GALNT17: variants seen among roughly 807,000 people sequenced by gnomAD.
GALNT17 encodes the protein UDP-GalNAc:polypeptide N-acetylgalactosaminyltransferase-like 3.
In GALNT17, 29 loss-of-function variants were observed where a neutral mutation model predicts 63.7. The ratio of observed to expected loss-of-function variants is 0.46; its 90% CI spans 0.34 to 0.62. The LOEUF (loss-of-function observed/expected upper bound fraction) is 0.62. Ranked by LOEUF, GALNT17 falls within the 20% of genes least tolerant of loss-of-function variation. GALNT17 has a pLI of 0.01. For missense variants in GALNT17, 603 were observed against 799.6 expected (o/e 0.75, Z 2.97); for synonymous variants, 305 against 318.3 (o/e 0.96, Z 0.45).
intron 3 of GALNT17, among the ~76,000 whole-genome samples, chr7:71,408,020 C>T (rs1793360338): frequency 6.6e-6 from 1 of 151,970 alleles, no homozygotes; most frequent in Admixed American, 6.6e-5. Flanking sequence ...GTACTCAATG[C>T]CAGTGAATTG....
intron 1 of GALNT17, among the ~76,000 whole-genome samples, chr7:71,256,950 G>A (rs1171976587): frequency 6.6e-6 from 1 of 152,120 alleles, no homozygotes; most frequent in East Asian, 1.9e-4. Context: ...GAGCAGGAGA[G>A]GGAAGAGTTT....
At chr7:71,405,694 A>G (rs1009746359) in intron 3 of GALNT17, among the ~76,000 whole-genome samples, 1 of 152,040 alleles carries the variant, frequency 6.6e-6, no homozygotes, top group African/African-American at 2.4e-5. Flanking sequence ...ATGTCTCTCT[A>G]TGTGTTTCTA....
intron 1 of GALNT17, among the ~76,000 whole-genome samples, chr7:71,191,440 A>C (rs946105485): frequency 6.6e-6 from 1 of 152,118 alleles, no homozygotes; most frequent in Non-Finnish European, 1.5e-5. Context: ...GCCAGGCACC[A>C]GATCTCTGTA....
At chr7:71,227,624 C>G (rs1449100653) in intron 1 of GALNT17, among the ~76,000 whole-genome samples, 1 of 152,076 alleles carries the variant, frequency 6.6e-6, no homozygotes, top group East Asian at 1.9e-4. Flanking sequence ...TTCGTTTGCT[C>G]TCACCATTTG....
intron 2 of GALNT17, among the ~76,000 whole-genome samples, chr7:71,376,164 AT>A (rs1792719949): frequency 6.6e-6 from 1 of 152,066 alleles, no homozygotes; most frequent in Non-Finnish European, 1.5e-5. Context: ...GCTATTTATT[AT>A]TTCTAATTTG....
At chr7:71,676,713 AAAT>A (rs1391058120) in intron 8 of GALNT17, among the ~76,000 whole-genome samples, 2 of 152,164 alleles carry the variant, frequency 1.3e-5, no homozygotes, top group African/African-American at 4.8e-5. Flanking sequence ...GCCTTTATGC[AAAT>A]AATGACCTGA....
At chr7:71,534,573 T>C (rs1333206144) in intron 5 of GALNT17, among the ~76,000 whole-genome samples, 5 of 131,226 alleles carry the variant, frequency 3.8e-5, no homozygotes, top group African/African-American at 1.5e-4. Flanking sequence ...CACTCCAGCC[T>C]GGGCAACAGA....
intron 8 of GALNT17, among the ~76,000 whole-genome samples, chr7:71,675,156 C>G (rs147215225): frequency 6.6e-6 from 1 of 152,016 alleles, no homozygotes; most frequent in Non-Finnish European, 1.5e-5. Context: ...TGCATTCCAG[C>G]CTGGTGACAG....
intron 2 of GALNT17, among the ~76,000 whole-genome samples, chr7:71,373,734 C>T (rs970966601): frequency 6.6e-6 from 1 of 152,142 alleles, no homozygotes; most frequent in Non-Finnish European, 1.5e-5. Context: ...TGAGATGGAA[C>T]AGTTTCATTC....
Position 71,388,397 on chromosome 7 carries a change from C to T in GALNT17, c.585C>T (p.Asp195=), listed in dbSNP as rs139185349. The T allele has an allele frequency of 1.2e-4, 188 of 1,613,748 alleles. 2 individuals are homozygous for T. The highest frequency in any genetic ancestry group is 6.6e-4 in the Middle Eastern group (4 of 6,060). ...TCATTCTGGTGGATGACAACAGCGA[C>T]GAAGGTACAGGGGTGGCTGACCTGT... ...KEIILVDDNS[D]EEELKVPLEE... The change falls in exon 3 of 11, where the codon GAC becomes GAT. Residue 195 remains aspartate, a synonymous_variant. Transcript: ENST00000333538.
At chr7:71,165,271 G>A (rs568757981) in intron 1 of GALNT17, among the ~76,000 whole-genome samples, 10 of 152,334 alleles carry the variant, frequency 6.6e-5, no homozygotes, top group East Asian at 3.9e-4. Context: ...CTGAAAATCC[G>A]AGTTCAAGTT....
intron 5 of GALNT17, among the ~76,000 whole-genome samples, chr7:71,534,798 A>G (rs1056011274): frequency 6.6e-6 from 1 of 152,134 alleles, no homozygotes; most frequent in Non-Finnish European, 1.5e-5. Context: ...CTTAAGCTTC[A>G]GTTCTATGCA....
rs146189758 is a variant in GALNT17 at position 71,438,490 on chromosome 7, C to A, written c.962+17385C>A. Among the ~76,000 whole-genome samples, 572 of 152,302 alleles carry A rather than the reference C, an allele frequency of 3.8e-3. 1 individual carries two copies. The highest frequency in any genetic ancestry group is 0.014 in the Middle Eastern group (4 of 294). The stretch of plus-strand genomic sequence containing the variant: ...AGACACACCCAGGATCAATACTTTG[C>A]ATCCTTCAATCCAATCAAGTTGACA... On this transcript the variant is annotated intron_variant, in intron 5 of 10. Transcript: ENST00000333538.
intron 1 of GALNT17, among the ~76,000 whole-genome samples, chr7:71,229,142 C>T (rs182815571): frequency 2.0e-5 from 3 of 152,280 alleles, no homozygotes; most frequent in Middle Eastern, 6.8e-3. Context: ...ATTGTGACAG[C>T]GTGATTCTTG....
chr7:71,650,730 G>T (rs1258886082), intron 6 of GALNT17, among the ~76,000 whole-genome samples: 2 of 152,186 alleles, frequency 1.3e-5, no homozygotes, highest in African/African-American at 4.8e-5. Flanking sequence ...GCAAAGAAAT[G>T]ACAGTAGAAG....
intron 3 of GALNT17, among the ~76,000 whole-genome samples, chr7:71,406,815 C>T (rs1793336941): frequency 2.0e-5 from 3 of 151,650 alleles, no homozygotes; most frequent in Non-Finnish European, 4.4e-5. Flanking sequence ...TCACTGCAAC[C>T]TCTACCTCAA....
chr7:71,252,953 G>A (rs781636192), intron 1 of GALNT17, among the ~76,000 whole-genome samples: 17 of 152,186 alleles, frequency 1.1e-4, no homozygotes, highest in South Asian at 2.1e-4. Context: ...ACAAAGGACA[G>A]ATTTGAAATC....
intron 9 of GALNT17, among the ~76,000 whole-genome samples, chr7:71,694,647 C>T (rs1181754091): frequency 6.6e-6 from 1 of 152,206 alleles, no homozygotes; most frequent in South Asian, 2.1e-4. Flanking sequence ...TCGCCCGCCT[C>T]GGCCTCCTAA....
Position 71,262,959 on chromosome 7 carries a change from G to A in GALNT17, c.239-72591G>A, listed in dbSNP as rs111550485. Among the ~76,000 whole-genome samples the A allele has an allele frequency of 4.4e-3, 668 of 152,082 alleles. 5 individuals carry two copies. The highest frequency in any genetic ancestry group is 0.015 in the African/African-American group (630 of 41,498). On this transcript the variant is annotated intron_variant, in intron 1 of 10. Coordinates refer to ENST00000333538, the MANE Select transcript of GALNT17 (RefSeq NM_022479.3). ...GCCTCCCAAAGTACTGGGATTACAG[G>A]CATGAGACACCACACCCAGCCGACT...
Sources: allele counts gnomAD v4.1 joint callset (sites outside exome capture counted in the v4.1 genomes callset), GRCh38; gene constraint gnomAD v4.1.1; transcripts MANE v1.5; gene names NCBI Gene and HGNC (gene_info 2026-07-23, HGNC 2026-07-21).